The following PFKP variants were observed in gnomAD, a reference collection of about 807,000 sequenced individuals.
PFKP encodes ATP-dependent 6-phosphofructokinase, platelet type.
PFKP carries 101 observed loss-of-function variants against 94.3 expected under a neutral mutation model. The ratio of observed to expected loss-of-function variants is 1.07; its 90% CI spans 0.91 to 1.26. PFKP has a LOEUF of 1.26. PFKP is among the 50% of genes most tolerant of loss of function. The probability of loss-of-function intolerance (pLI) is 0.00; values close to 1 mark genes in which losing one functional copy is unlikely to be tolerated. For missense variants in PFKP, 1,145 were observed against 1,103.3 expected, an observed-to-expected ratio of 1.04 and a Z score of -0.53; for synonymous variants, 573 against 432.6, an observed-to-expected ratio of 1.32 and a Z score of -4.03.
At chr10:3,110,183 A>T (rs1338620451) in intron 10 of PFKP, among the ~76,000 whole-genome samples, 2 of 151,818 alleles carry the variant, frequency 1.3e-5, no homozygotes, top group African/African-American at 2.4e-5. Context: ...AGTTAGCTGC[A>T]TTTGAAGTTA....
intron 1 of PFKP, among the ~76,000 whole-genome samples, chr10:3,082,038 A>G: frequency 9.1e-6 from 1 of 109,340 alleles, no homozygotes; most frequent in South Asian, 2.8e-4. Context: ...GTGATACTCC[A>G]TTTTTCATCT....
At chr10:3,122,676 CCT>C (rs1564340730) in intron 16 of PFKP, among the ~76,000 whole-genome samples, 2 of 152,186 alleles carry the variant, frequency 1.3e-5, no homozygotes, top group Non-Finnish European at 2.9e-5. Context: ...CCGGCCACAC[CCT>C]CTGTGACTGG....
At chr10:3,121,740 T>C (rs1033404583) in intron 16 of PFKP, among the ~76,000 whole-genome samples, 1 of 151,904 alleles carries the variant, frequency 6.6e-6, no homozygotes, top group Non-Finnish European at 1.5e-5. Flanking sequence ...TGCGATTGTT[T>C]TAAATGCAGT....
chr10:3,130,451 G>A (rs7905464), intron 17 of PFKP, among the ~76,000 whole-genome samples: 22,206 of 152,110 alleles, frequency 0.15, 1,680 homozygotes, highest in African/African-American at 0.18. Flanking sequence ...CTGACCCCGC[G>A]GTCTGCCCCT....
chr10:3,072,140 C>T (rs528800098), intron 1 of PFKP, among the ~76,000 whole-genome samples: 134 of 152,374 alleles, frequency 8.8e-4, no homozygotes, highest in Non-Finnish European at 1.5e-4. Flanking sequence ...CTGTCTTCTT[C>T]GTCCATGAAG....
At chr10:3,102,256 A>T in intron 4 of PFKP, among the ~76,000 whole-genome samples, 1 of 140,588 alleles carries the variant, frequency 7.1e-6, no homozygotes. Context: ...GTCTCAAAAA[A>T]AAAAAAAAAA....
chr10:3,074,604 A>T (rs1427933739), intron 1 of PFKP, among the ~76,000 whole-genome samples: 2 of 152,212 alleles, frequency 1.3e-5, no homozygotes, highest in Admixed American at 1.3e-4. Flanking sequence ...ACATCCCGCC[A>T]AGGGGACCCA....
chr10:3,112,853 C>T (rs1321357317), intron 11 of PFKP, among the ~76,000 whole-genome samples: 3 of 152,238 alleles, frequency 2.0e-5, no homozygotes, highest in Non-Finnish European at 4.4e-5. Flanking sequence ...CAGGCTTGAG[C>T]CACCGCACGC....
chr10:3,136,382 C>G, intron 21 of PFKP, 68 bp from the exon 22 acceptor site: 2 of 1,564,422 alleles, frequency 1.3e-6, no homozygotes, highest in East Asian at 2.3e-5. Flanking sequence ...GCTCGCTGTG[C>G]TGGCCAGGCG....
At position 3,136,434 on chromosome 10, in the gene PFKP, C is replaced by T. The variant is rs763085603; in HGVS notation, c.2226-16C>T. ...GTGACTGCAGGCCTCACTGCTGTCTCCTCTTACCTCCACAGGCACAGGATT... is the reference window on the plus strand; with the variant it reads ...GTGACTGCAGGCCTCACTGCTGTCTTCTCTTACCTCCACAGGCACAGGATT... On this transcript the variant is annotated splice_polypyrimidine_tract_variant and intron_variant, in intron 21 of 21. Coordinates refer to ENST00000381125, the MANE Select transcript of PFKP (RefSeq NM_002627.5). The T allele has an allele frequency of 4.3e-6, 7 of 1,613,150 alleles. No individual in the cohort carries two copies. Among genetic ancestry groups the T allele is most frequent in the Admixed American group, 1.7e-5 (1 of 59,948 alleles).
chr10:3,117,063 C>T (rs116912533), intron 14 of PFKP, among the ~76,000 whole-genome samples: 4,319 of 152,308 alleles, frequency 0.028, 85 homozygotes, highest in Non-Finnish European at 0.033. Context: ...GAGGAGGTAA[C>T]TTGTGAATGC....
At chr10:3,095,649 A>C (rs906925873) in intron 2 of PFKP, among the ~76,000 whole-genome samples, 1 of 152,258 alleles carries the variant, frequency 6.6e-6, no homozygotes, top group Non-Finnish European at 1.5e-5. Context: ...AGGGTGTTTT[A>C]GGAAACGTCT....
intron 1 of PFKP, chr10:3,069,187 C>T (rs1377605994): frequency 2.4e-6 from 3 of 1,243,112 alleles, no homozygotes; most frequent in African/African-American, 3.1e-5. Flanking sequence ...AGGCCCCGCC[C>T]CGCAGCCCGC....
At position 3,135,672 on chromosome 10, in the gene PFKP, A is replaced by C. The variant is rs544050349; in HGVS notation, c.2123-64A>C. 5.0e-6 allele frequency: 5 copies of C among 999,692 alleles called. No homozygotes were observed. The South Asian group carries it at 5.4e-5, about 11-fold the overall frequency. 61.9% of individuals were successfully genotyped at this position (999,692 alleles called of 1,614,324 possible). ...ATCTCAGTTCTCATCTCGCCCCGTG[A>C]TTCTGCTCCCCCACCTGCCCATGTT... On this transcript the variant is annotated intron_variant, in intron 20 of 21. Coordinates refer to ENST00000381125, the MANE Select transcript of PFKP (RefSeq NM_002627.5).
At chr10:3,122,774 T>A (rs534944698) in intron 16 of PFKP, among the ~76,000 whole-genome samples, 52 of 152,278 alleles carry the variant, frequency 3.4e-4, no homozygotes, top group Non-Finnish European at 6.5e-4. Flanking sequence ...TCAGAAAATT[T>A]GGTGATTCTC....
At chr10:3,081,977 CTT>C (rs547880338) in intron 1 of PFKP, among the ~76,000 whole-genome samples, 9 of 68,426 alleles carry the variant, frequency 1.3e-4, no homozygotes, top group African/African-American at 6.0e-4. Flanking sequence ...AGCCCATTGC[CTT>C]TTTTTTTTTT....
At chr10:3,104,592 G>A (rs947152963) in intron 5 of PFKP, 15 of 199,046 alleles carry the variant, frequency 7.5e-5, no homozygotes, top group South Asian at 2.9e-4. Flanking sequence ...TTCTCAGTGC[G>A]TGGGCGTGAA....
At chr10:3,113,605 C>G (rs1221021197) in intron 13 of PFKP, 87 bp downstream of exon 13, 2 of 1,145,412 alleles carry the variant, frequency 1.7e-6, no homozygotes, top group Non-Finnish European at 2.5e-6. Flanking sequence ...CTCCATGGCC[C>G]TCATACCTTT....
At chr10:3,098,615 G>A (rs1473155204) in intron 2 of PFKP, among the ~76,000 whole-genome samples, 1 of 142,108 alleles carries the variant, frequency 7.0e-6, no homozygotes, top group South Asian at 2.3e-4. Flanking sequence ...GCAGGTTGCA[G>A]TGAGCCGAGA....
Sources: allele counts gnomAD v4.1 joint callset (sites outside exome capture counted in the v4.1 genomes callset), GRCh38; gene constraint gnomAD v4.1.1; transcripts MANE v1.5; gene names NCBI Gene and HGNC (gene_info 2026-07-23, HGNC 2026-07-21).